The following LRFN5 variants were observed in gnomAD, a reference collection of about 807,000 sequenced individuals.
LRFN5 encodes the protein leucine-rich repeat and fibronectin type-III domain-containing protein 5.
Under a neutral mutation model 45.6 loss-of-function variants are expected in LRFN5, and 24 were observed. The observed-to-expected ratio is 0.53, with a 90% CI of 0.38 to 0.74. LRFN5 has a LOEUF of 0.74. Among genes scored for constraint, LRFN5 ranks in the 30% least tolerant of loss-of-function variants. LRFN5 has a pLI of 0.00. For missense variants in LRFN5, 776 were observed against 861.5 expected (o/e 0.90, Z 1.24); for synonymous variants, 340 against 313.8 (o/e 1.08, Z -0.88).
At chr14:41,713,801 A>C (rs1411603529) in intron 1 of LRFN5, among the ~76,000 whole-genome samples, 1 of 152,156 alleles carries the variant, frequency 6.6e-6, no homozygotes, top group Non-Finnish European at 1.5e-5. Flanking sequence ...TTCCTGAAAC[A>C]ATTTGTCATT....
At chr14:41,797,689 A>T (rs1887179512) in intron 2 of LRFN5, among the ~76,000 whole-genome samples, 1 of 151,688 alleles carries the variant, frequency 6.6e-6, no homozygotes, top group African/African-American at 2.4e-5. Flanking sequence ...GTATGTATGT[A>T]TATATGTATG....
chr14:41,673,084 G>A (rs1485381700), intron 1 of LRFN5, among the ~76,000 whole-genome samples: 1 of 151,856 alleles, frequency 6.6e-6, no homozygotes, highest in African/African-American at 2.4e-5. Context: ...TCTTAGTACA[G>A]AACAAAATGA....
chr14:41,674,694 C>T lies in LRFN5; in HGVS notation c.-197+66132C>T, dbSNP rs1356276282. On this transcript the variant is annotated intron_variant, in intron 1 of 5. Coordinates refer to ENST00000298119, the MANE Select transcript of LRFN5 (RefSeq NM_152447.5). ...CTCCCGGATGGGACGGCTGGCTGGG[C>T]GGGGGGCTGACCCCCCTACCTCCCT... is the stretch of plus-strand genomic sequence containing the variant. 8.0e-5 allele frequency among the ~76,000 whole-genome samples: 12 copies of T among 150,698 alleles called. No homozygotes were observed. The East Asian group carries it at 8.0e-4, about 10-fold the overall frequency.
In LRFN5 at chr14:41,887,426, A is replaced by T. The variant is rs912696276; in HGVS notation, c.801A>T (p.Pro267=). ...EDDLETCASP[P]LLTGRYFWSI... is the part of the protein sequence containing the mutation. ...ACTTAGAGACCTGTGCTTCTCCTCC[A>T]CTTTTAACTGGCCGCTACTTTTGGT... Residue 267 remains proline (P), a synonymous_variant, in exon 3 of 6, where the codon CCA becomes CCT. Coordinates refer to ENST00000298119, the MANE Select transcript of LRFN5 (RefSeq NM_152447.5). The surrounding 1 kb of genome is among the most constrained non-coding windows in gnomAD (Gnocchi z 4.8). 1.5e-5 allele frequency: 24 copies of T among 1,614,108 alleles called. No homozygotes were observed. The highest frequency in any genetic ancestry group is 1.9e-5 in the Non-Finnish European group (22 of 1,180,024).
At chr14:41,785,620 A>T (rs1886690863) in intron 2 of LRFN5, among the ~76,000 whole-genome samples, 3 of 152,130 alleles carry the variant, frequency 2.0e-5, no homozygotes. Flanking sequence ...CAAGCACTTT[A>T]CATTTATTCT....
intron 1 of LRFN5, among the ~76,000 whole-genome samples, chr14:41,739,034 G>C (rs1371652470): frequency 2.0e-5 from 3 of 152,106 alleles, no homozygotes; most frequent in Non-Finnish European, 4.4e-5. Context: ...AATTTAAGAA[G>C]AATGAATTTA....
intron 2 of LRFN5, among the ~76,000 whole-genome samples, chr14:41,870,792 A>C (rs1256044372): frequency 6.6e-6 from 1 of 152,190 alleles, no homozygotes; most frequent in Non-Finnish European, 1.5e-5. Context: ...TTTTAACTAC[A>C]CTCAATGGAA....
At chr14:41,654,884 C>G (rs1208777724) in intron 1 of LRFN5, among the ~76,000 whole-genome samples, 2 of 151,994 alleles carry the variant, frequency 1.3e-5, no homozygotes, top group African/African-American at 2.4e-5. Flanking sequence ...ACCACATGAA[C>G]AGTAGTATAG....
At chr14:41,750,653 A>G (rs1218697839) in intron 1 of LRFN5, among the ~76,000 whole-genome samples, 3 of 152,252 alleles carry the variant, frequency 2.0e-5, no homozygotes, top group Middle Eastern at 6.8e-3. Context: ...AACTGCTGTA[A>G]GGATACTACC....
chr14:41,820,242 T>C (rs1888068373), intron 2 of LRFN5, among the ~76,000 whole-genome samples: 1 of 152,016 alleles, frequency 6.6e-6, no homozygotes, highest in South Asian at 2.1e-4. Context: ...ATTTTTATAG[T>C]TTCAGGTCTT....
intron 1 of LRFN5, among the ~76,000 whole-genome samples, chr14:41,688,091 C>A (rs1265657046): frequency 6.6e-6 from 1 of 152,116 alleles, no homozygotes; most frequent in African/African-American, 2.4e-5. Flanking sequence ...CATTTCTTCA[C>A]TTATTTGTGA....
chr14:41,734,989 C>T (rs1214939253), intron 1 of LRFN5, among the ~76,000 whole-genome samples: 1 of 152,064 alleles, frequency 6.6e-6, no homozygotes, highest in Non-Finnish European at 1.5e-5. Context: ...GTTTGTGTTA[C>T]TTAACATATT....
At chr14:41,899,008 A>G (rs748956409) in intron 5 of LRFN5, 48 bp downstream of exon 5, 3 of 1,413,802 alleles carry the variant, frequency 2.1e-6, no homozygotes, top group South Asian at 2.6e-5. Flanking sequence ...AAATGGGTAT[A>G]CACTTTTTAT....
intron 1 of LRFN5, chr14:41,699,596 T>G (rs933224653): frequency 6.6e-6 from 1 of 152,100 alleles, no homozygotes; most frequent in Non-Finnish European, 1.5e-5. Context: ...AGCAGGACTG[T>G]TTTATCTGCA....
At chr14:41,807,898 C>T (rs573930056) in intron 2 of LRFN5, among the ~76,000 whole-genome samples, 31 of 151,988 alleles carry the variant, frequency 2.0e-4, no homozygotes, top group African/African-American at 6.5e-4. Flanking sequence ...CTGACGCCAT[C>T]GAAGTGAATA....
At chr14:41,758,251 C>T (rs1378432393) in intron 1 of LRFN5, among the ~76,000 whole-genome samples, 1 of 152,110 alleles carries the variant, frequency 6.6e-6, no homozygotes, top group African/African-American at 2.4e-5. Flanking sequence ...ATAAGGATGA[C>T]ATATTTCAAT....
intron 1 of LRFN5, among the ~76,000 whole-genome samples, chr14:41,754,812 G>T (rs1885301442): frequency 2.0e-5 from 3 of 152,068 alleles, no homozygotes; most frequent in African/African-American, 4.8e-5. Context: ...GCTAGCTGTT[G>T]AATATGTTTG....
chr14:41,763,700 G>C (rs1885762145), intron 1 of LRFN5, among the ~76,000 whole-genome samples: 1 of 152,126 alleles, frequency 6.6e-6, no homozygotes, highest in Non-Finnish European at 1.5e-5. Flanking sequence ...TCTCTTGCCT[G>C]CCGCCATGTA....
chr14:41,830,728 A>G (rs1888449225), intron 2 of LRFN5, among the ~76,000 whole-genome samples: 1 of 152,156 alleles, frequency 6.6e-6, no homozygotes, highest in East Asian at 1.9e-4. Flanking sequence ...GAGGGGAACC[A>G]TAAAGGGAAG....
Sources: allele counts gnomAD v4.1 joint callset (sites outside exome capture counted in the v4.1 genomes callset), GRCh38; gene constraint gnomAD v4.1.1; non-coding constraint Gnocchi (gnomAD v3.1); transcripts MANE v1.5; gene names NCBI Gene and HGNC (gene_info 2026-07-23, HGNC 2026-07-21).